Variants in HEMK2 observed in about 807,000 individuals in gnomAD.
HEMK2 encodes HemK methyltransferase 2, ETF1 glutamine and histone H4 lysine, also known as methyltransferase HEMK2.
chr21:28,690,814 A>C, the HEMK2 span, among the ~76,000 whole-genome samples: 1 of 152,162 alleles, frequency 6.6e-6, no homozygotes, highest in Non-Finnish European at 1.5e-5. Flanking sequence ...GTTACTTCCA[A>C]TATACAGCAT....
the HEMK2 span, among the ~76,000 whole-genome samples, chr21:28,734,271 C>T: frequency 6.6e-6 from 1 of 152,178 alleles, no homozygotes; most frequent in Non-Finnish European, 1.5e-5. Context: ...CAGAGACACA[C>T]TGCATATATT....
the HEMK2 span, among the ~76,000 whole-genome samples, chr21:28,691,652 T>C: frequency 0.56 from 84,541 of 151,950 alleles, 26,183 homozygotes; most frequent in East Asian, 0.84. Context: ...ATCTAGGAGC[T>C]AGGATTAACG....
the HEMK2 span, among the ~76,000 whole-genome samples, chr21:28,787,883 A>G: frequency 6.6e-6 from 1 of 152,170 alleles, no homozygotes; most frequent in East Asian, 1.9e-4. Flanking sequence ...AAAATAAGTC[A>G]TTATTGGAAA....
chr21:28,697,103 GTTA>G, the HEMK2 span, among the ~76,000 whole-genome samples: 2 of 152,180 alleles, frequency 1.3e-5, no homozygotes, highest in South Asian at 4.1e-4. Context: ...TGTTGTCTTG[GTTA>G]TTAACATTTG....
chr21:28,757,483 T>G, the HEMK2 span, among the ~76,000 whole-genome samples: 11 of 152,146 alleles, frequency 7.2e-5, no homozygotes, highest in African/African-American at 2.7e-4. Context: ...TCTGGCCAAA[T>G]GCAGCTGCAT....
chr21:28,725,076 C>T, the HEMK2 span, among the ~76,000 whole-genome samples: 3 of 152,036 alleles, frequency 2.0e-5, no homozygotes, highest in African/African-American at 2.4e-5. Context: ...AGATTAATTT[C>T]TTTAAGGTCA....
the HEMK2 span, among the ~76,000 whole-genome samples, chr21:28,821,876 T>C: frequency 6.6e-6 from 1 of 152,250 alleles, no homozygotes; most frequent in Non-Finnish European, 1.5e-5. Context: ...GACCTTGCCC[T>C]TTCTCCATTT....
chr21:28,809,413 A>T, the HEMK2 span, among the ~76,000 whole-genome samples: 3 of 152,208 alleles, frequency 2.0e-5, no homozygotes, highest in South Asian at 2.1e-4. Context: ...AAGAATTACA[A>T]GAGGAAATCT....
the HEMK2 span, among the ~76,000 whole-genome samples, chr21:28,753,970 G>C: frequency 2.6e-4 from 40 of 152,228 alleles, 1 homozygote; most frequent in African/African-American, 8.7e-4. Flanking sequence ...CTTTTCATCT[G>C]TTTTTGTCTT....
At chr21:28,655,952 T>C in the HEMK2 span, among the ~76,000 whole-genome samples, 1 of 152,100 alleles carries the variant, frequency 6.6e-6, no homozygotes, top group Admixed American at 6.6e-5. Context: ...ACATATCCTA[T>C]CTTACTCCTA....
chr21:28,866,045 G>A, the HEMK2 span, among the ~76,000 whole-genome samples: 6 of 150,900 alleles, frequency 4.0e-5, no homozygotes, highest in African/African-American at 1.2e-4. Context: ...ACTCATGCCT[G>A]TACTTCCAGC....
At chr21:28,726,869 T>TAAAA in the HEMK2 span, among the ~76,000 whole-genome samples, 7,854 of 130,058 alleles carry the variant, frequency 0.06, 514 homozygotes, top group East Asian at 0.26. Flanking sequence ...GGACCCTATC[T>TAAAA]AAAAAAAAAA....
the HEMK2 span, among the ~76,000 whole-genome samples, chr21:28,746,479 C>T: frequency 2.6e-5 from 4 of 152,028 alleles, no homozygotes; most frequent in East Asian, 3.9e-4. Flanking sequence ...TCTTTGCTCA[C>T]GACCATGTGT....
chr21:28,740,185 C>T, the HEMK2 span, among the ~76,000 whole-genome samples: 1 of 152,220 alleles, frequency 6.6e-6, no homozygotes, highest in African/African-American at 2.4e-5. Flanking sequence ...GAAATTCTCT[C>T]TACTTAAAGC....
chr21:28,773,923 T>C, the HEMK2 span, among the ~76,000 whole-genome samples: 11,172 of 152,196 alleles, frequency 0.073, 695 homozygotes, highest in East Asian at 0.22. Context: ...TACAAGTCTT[T>C]CTGAAGCTGT....
chr21:28,645,489 G>C, the HEMK2 span, among the ~76,000 whole-genome samples: 177 of 151,628 alleles, frequency 1.2e-3, no homozygotes, highest in Admixed American at 4.9e-3. Flanking sequence ...AAATTCCAAA[G>C]GAAAAAGACT....
At chr21:28,680,895 C>T in the HEMK2 span, among the ~76,000 whole-genome samples, 10 of 152,184 alleles carry the variant, frequency 6.6e-5, no homozygotes, top group Admixed American at 2.6e-4. Context: ...ATTGATGGGA[C>T]GTATCTCAAA....
At chr21:28,782,094 A>G in the HEMK2 span, among the ~76,000 whole-genome samples, 2 of 152,244 alleles carry the variant, frequency 1.3e-5, no homozygotes, top group Middle Eastern at 3.2e-3. Flanking sequence ...CAACATAAGC[A>G]TGAATCACAT....
the HEMK2 span, among the ~76,000 whole-genome samples, chr21:28,656,060 T>G: frequency 3.3e-5 from 5 of 152,068 alleles, no homozygotes; most frequent in African/African-American, 1.2e-4. Flanking sequence ...GTCAGGAAAA[T>G]AAAGTCAAAA....
Sources: allele counts gnomAD v4.1 joint callset (sites outside exome capture counted in the v4.1 genomes callset), GRCh38; gene constraint gnomAD v4.1.1; transcripts MANE v1.5; gene names NCBI Gene and HGNC (gene_info 2026-07-23, HGNC 2026-07-21).